The following FNDC1 variants were observed in gnomAD, a reference collection of about 807,000 sequenced individuals.
FNDC1 encodes the protein fibronectin type III domain-containing protein 1.
A neutral mutation model predicts 168.0 loss-of-function variants in FNDC1; 96 were observed. The ratio of observed to expected loss-of-function variants is 0.57; its 90% CI spans 0.48 to 0.68. The LOEUF (loss-of-function observed/expected upper bound fraction) is 0.68. Ranked by LOEUF, FNDC1 falls within the 30% of genes least tolerant of loss-of-function variation. The probability of loss-of-function intolerance (pLI) is 0.00; values close to 1 mark genes in which losing one functional copy is unlikely to be tolerated. For synonymous variants in FNDC1, 1,099 were observed against 1,025.9 expected (o/e 1.07, Z -1.36); for missense variants, 2,587 against 2,482.1 (o/e 1.04, Z -0.90).
chr6:159,170,247 C>G (rs1781625120), intron 1 of FNDC1, among the ~76,000 whole-genome samples: 2 of 151,896 alleles, frequency 1.3e-5, no homozygotes, highest in Non-Finnish European at 2.9e-5. Flanking sequence ...AGTGCCAGCT[C>G]GGCTCCAGGC....
chr6:159,221,947 G>C (rs1279496657), intron 6 of FNDC1, among the ~76,000 whole-genome samples: 1 of 152,186 alleles, frequency 6.6e-6, no homozygotes. Context: ...TGCTGCGATA[G>C]GAGCAGCCAA....
chr6:159,194,895 C>T (rs1782212469), intron 1 of FNDC1, among the ~76,000 whole-genome samples: 1 of 152,038 alleles, frequency 6.6e-6, no homozygotes, highest in Non-Finnish European at 1.5e-5. Context: ...CCAGTTCTCT[C>T]TGAGTTAGGC....
chr6:159,220,578 A>G (rs954483513), intron 5 of FNDC1, among the ~76,000 whole-genome samples: 4 of 152,198 alleles, frequency 2.6e-5, no homozygotes, highest in Non-Finnish European at 5.9e-5. Context: ...TTAGGGCTTT[A>G]TGTTCTTATT....
At chr6:159,250,949 G>T (rs1777244892) in intron 16 of FNDC1, among the ~76,000 whole-genome samples, 1 of 152,208 alleles carries the variant, frequency 6.6e-6, no homozygotes, top group African/African-American at 2.4e-5. Context: ...AAAGTGTTGG[G>T]TGGGCCTGAC....
chr6:159,267,409 T>TA (rs1446520356), intron 21 of FNDC1, among the ~76,000 whole-genome samples: 10 of 152,316 alleles, frequency 6.6e-5, no homozygotes, highest in African/African-American at 2.4e-4. Flanking sequence ...CCCTCCTAGT[T>TA]ACACATGAAA....
intron 5 of FNDC1, chr6:159,218,365 TCA>T (rs1782747145): frequency 6.6e-6 from 1 of 152,176 alleles, no homozygotes; most frequent in South Asian, 2.1e-4. Context: ...TCTTAAATTT[TCA>T]CACATATAAA....
At chr6:159,247,475 G>A (rs549649479) in intron 15 of FNDC1, among the ~76,000 whole-genome samples, 2 of 152,254 alleles carry the variant, frequency 1.3e-5, no homozygotes, top group East Asian at 1.9e-4. Context: ...GAGGCCGGCC[G>A]CAGTGGCTCA....
At position 159,239,963 on chromosome 6, in the gene FNDC1, T is replaced by C. The variant is rs1250798849; in HGVS notation, c.4621+6T>C. 6.8e-7 allele frequency: 1 copy of C among 1,472,836 alleles called. No individual in the cohort carries two copies. Among genetic ancestry groups the C allele is most frequent in the East Asian group, 2.5e-5 (1 of 40,126 alleles). 91.2% of individuals were successfully genotyped at this position (1,472,836 alleles called of 1,614,324 possible). A position where few individuals can be genotyped will look rare whatever the true frequency, so the allele number is the denominator to read the frequency against. ...AGAGTGCTACGCTGAAGAAGGTAAC[T>C]GCCTTTGTTCTAATGCTAACTACTT... is the stretch of plus-strand genomic sequence containing the variant. On this transcript the variant is annotated splice_donor_region_variant and intron_variant, in intron 14 of 22. Coordinates refer to ENST00000297267, the MANE Select transcript of FNDC1 (RefSeq NM_032532.3).
Position 159,233,824 on chromosome 6 carries a change from T to A in FNDC1, c.3312T>A (p.Ala1104=), listed in dbSNP as rs1186743133. The part of the protein sequence containing the change: ...PAHAARAKEA[A]ASLPKHQQVE... The stretch of plus-strand genomic sequence containing the variant: ...ACGCCGCGCGCGCCAAGGAGGCAGC[T>A]GCGTCCCTTCCCAAGCACCAGCAGG... Residue 1104 remains alanine (A), a synonymous_variant, in exon 11 of 23, where the codon GCT becomes GCA. Coordinates refer to ENST00000297267, the MANE Select transcript of FNDC1 (RefSeq NM_032532.3). The surrounding 1 kb of genome is among the most constrained non-coding windows in gnomAD (Gnocchi z 4.6). 4 of 1,542,416 alleles carry A rather than the reference T, an allele frequency of 2.6e-6. No homozygotes were observed. The highest frequency in any genetic ancestry group is 1.7e-6 in the Non-Finnish European group (2 of 1,143,298).
intron 1 of FNDC1, among the ~76,000 whole-genome samples, chr6:159,171,146 C>A (rs541823971): frequency 6.6e-5 from 10 of 152,240 alleles, no homozygotes; most frequent in African/African-American, 2.4e-4. Context: ...GCGATCTGCA[C>A]TCTTGCTTTT....
At position 159,266,128 on chromosome 6, in the gene FNDC1, A is replaced by G. The variant is rs755637785; in HGVS notation, c.5329A>G (p.Ser1777Gly). The change falls in exon 21 of 23, where the codon AGC (serine) becomes GGC (glycine). Residue 1777 changes from serine (S) to glycine (G), a missense_variant. By Grantham distance (56) the Ser-to-Gly change is moderately conservative. Coordinates refer to ENST00000297267, the MANE Select transcript of FNDC1 (RefSeq NM_032532.3). ...WIPFAFKHDPSYTDCHGRQYV... is the reference protein window; with the variant it reads ...WIPFAFKHDPGYTDCHGRQYV... The stretch of plus-strand genomic sequence containing the variant: ...CCCATTCGCTTTCAAACATGATCCC[A>G]GCTACACGGACTGCCATGGACGGCA... The G allele has an allele frequency of 6.2e-7, 1 of 1,613,980 alleles. No homozygotes were observed. The highest frequency in any genetic ancestry group is 1.1e-5 in the South Asian group (1 of 91,082).
At position 159,263,975 on chromosome 6, in the gene FNDC1, A is replaced by C. The variant is rs183757813; in HGVS notation, c.5255-1000A>C. 1.3e-3 allele frequency among the ~76,000 whole-genome samples: 198 copies of C among 151,394 alleles called. 1 individual carries two copies. Among genetic ancestry groups the C allele is most frequent in the African/African-American group, 4.3e-3 (176 of 40,702 alleles). On this transcript the variant is annotated intron_variant, in intron 19 of 22. Transcript: ENST00000297267. ...CGTCTCAAACAAACAAACAAACAAA[A>C]AAAGAACTTTTTCTAAAGCAGAATT...
intron 9 of FNDC1, among the ~76,000 whole-genome samples, chr6:159,227,604 A>C (rs1583887570): frequency 6.9e-6 from 1 of 144,902 alleles, no homozygotes; most frequent in Non-Finnish European, 1.5e-5. Context: ...ACGTTTTTTC[A>C]CTTTTTTTTT....
At chr6:159,214,895 A>C (rs747499291) in intron 4 of FNDC1, 50 bp from the exon 5 acceptor site, 3 of 1,561,228 alleles carry the variant, frequency 1.9e-6, no homozygotes, top group African/African-American at 1.4e-5. Flanking sequence ...ATGATGGCAA[A>C]CTCTAAGTGG....
At chr6:159,222,953 T>C (rs1782861199) in intron 6 of FNDC1, among the ~76,000 whole-genome samples, 1 of 151,916 alleles carries the variant, frequency 6.6e-6, no homozygotes, top group Non-Finnish European at 1.5e-5. Flanking sequence ...ATATGTCGAT[T>C]GGGTTGGGCA....
chr6:159,265,796 C>T (rs512831), intron 20 of FNDC1, among the ~76,000 whole-genome samples: 25,381 of 152,016 alleles, frequency 0.17, 2,395 homozygotes, highest in East Asian at 0.38. Context: ...GGTGTGGTGG[C>T]GTGCACCTGT....
At chr6:159,193,359 G>A (rs1417243400) in intron 1 of FNDC1, among the ~76,000 whole-genome samples, 1 of 152,174 alleles carries the variant, frequency 6.6e-6, no homozygotes, top group African/African-American at 2.4e-5. Flanking sequence ...ACTTGCTGGA[G>A]GTTCATGGCC....
At chr6:159,176,756 G>A (rs1397018377) in intron 1 of FNDC1, among the ~76,000 whole-genome samples, 2 of 152,144 alleles carry the variant, frequency 1.3e-5, no homozygotes, top group African/African-American at 4.8e-5. Context: ...CTGGGTCAGT[G>A]GGAGGTCAGG....
At chr6:159,260,028 A>C (rs1448416653) in intron 18 of FNDC1, among the ~76,000 whole-genome samples, 1 of 152,246 alleles carries the variant, frequency 6.6e-6, no homozygotes, top group Non-Finnish European at 1.5e-5. Context: ...GCTTTTTAAA[A>C]ATGTAGTGCA....
Sources: gnomAD v4.1 joint callset for allele counts (sites outside exome capture counted in the v4.1 genomes callset) on GRCh38, gnomAD v4.1.1 for gene constraint, Gnocchi (gnomAD v3.1) non-coding constraint, MANE v1.5 for transcripts, NCBI Gene and HGNC (gene_info 2026-07-23, HGNC 2026-07-21) for gene names.